The following RICTOR variants were observed in gnomAD, a reference collection of about 807,000 sequenced individuals.
The protein encoded by RICTOR is RPTOR independent companion of MTOR complex 2, also known as rapamycin-insensitive companion of mTOR.
RICTOR carries 49 observed loss-of-function variants against 214.9 expected under a neutral mutation model. The observed-to-expected ratio is 0.23, with a 90% CI of 0.18 to 0.29. The LOEUF is 0.29. Ranked by LOEUF, RICTOR falls within the 10% of genes least tolerant of loss-of-function variation. The pLI is 1.00. For missense variants in RICTOR, 1,625 were observed against 2,047.0 expected, an observed-to-expected ratio of 0.79 and a Z score of 3.98; for synonymous variants, 717 against 711.3, an observed-to-expected ratio of 1.01 and a Z score of -0.13.
At chr5:38,969,829 C>G (rs1181973967) in intron 11 of RICTOR, 1 of 151,806 alleles carries the variant, frequency 6.6e-6, no homozygotes, top group Admixed American at 6.6e-5. Flanking sequence ...CCACCATGCC[C>G]GGCTGTTTTT....
chr5:38,995,660 C>A (rs1259613823), intron 6 of RICTOR, among the ~76,000 whole-genome samples: 1 of 151,408 alleles, frequency 6.6e-6, no homozygotes, highest in Admixed American at 6.6e-5. Flanking sequence ...ATATTTTAGT[C>A]CCTAACATTA....
chr5:38,950,620 A>G lies in RICTOR; in HGVS notation c.3228T>C (p.Ser1076=), dbSNP rs750474947. ...EDTEPTFYDR[S]GPIKDKNSFP... Reference sequence around the variant, plus strand: ...ATGAATTTTTATCCTTTATGGGTCCAGATCGGTCATAAAATGTTGGCTCTG... The same window carrying G: ...ATGAATTTTTATCCTTTATGGGTCCGGATCGGTCATAAAATGTTGGCTCTG... The change falls in exon 31 of 38, where the codon TCT becomes TCC. Residue 1076 remains serine (S), a synonymous_variant. Coordinates refer to ENST00000357387, the MANE Select transcript of RICTOR (RefSeq NM_152756.5). The G allele has an allele frequency of 6.2e-7, 1 of 1,613,184 alleles. No individual in the cohort carries two copies. Among genetic ancestry groups the G allele is most frequent in the East Asian group, 2.2e-5 (1 of 44,852 alleles).
At chr5:38,990,503 C>T (rs1282394238) in intron 7 of RICTOR, among the ~76,000 whole-genome samples, 2 of 149,208 alleles carry the variant, frequency 1.3e-5, no homozygotes, top group East Asian at 2.0e-4. Flanking sequence ...TACATATATA[C>T]GATATATACA....
At chr5:38,963,892 A>G (rs947980816) in intron 16 of RICTOR, among the ~76,000 whole-genome samples, 2 of 151,922 alleles carry the variant, frequency 1.3e-5, no homozygotes, top group African/African-American at 2.4e-5. Context: ...CAGAACTGAG[A>G]TAACTCCTAA....
chr5:39,058,053 G>C (rs1418552034), intron 2 of RICTOR, among the ~76,000 whole-genome samples: 2 of 151,904 alleles, frequency 1.3e-5, no homozygotes, highest in Middle Eastern at 6.8e-3. Flanking sequence ...TTGCCAAGTT[G>C]CTGTCAGGTA....
At chr5:38,946,870 T>C (rs888138564) in intron 32 of RICTOR, among the ~76,000 whole-genome samples, 17 of 152,176 alleles carry the variant, frequency 1.1e-4, no homozygotes, top group African/African-American at 4.1e-4. Flanking sequence ...GGTCACCTTA[T>C]ATTACTGGGT....
chr5:39,032,579 T>A, intron 2 of RICTOR, among the ~76,000 whole-genome samples: 1 of 152,224 alleles, frequency 6.6e-6, no homozygotes, highest in Non-Finnish European at 1.5e-5. Flanking sequence ...CTTCTTGAAT[T>A]TGTAAGAGAA....
intron 2 of RICTOR, among the ~76,000 whole-genome samples, chr5:39,033,941 T>A (rs1183714314): frequency 2.0e-5 from 3 of 152,234 alleles, no homozygotes; most frequent in Non-Finnish European, 4.4e-5. Context: ...CAATTCTGAA[T>A]TATAAACTTA....
chr5:39,069,615 G>T (rs1206964377), intron 2 of RICTOR, among the ~76,000 whole-genome samples: 1 of 152,166 alleles, frequency 6.6e-6, no homozygotes, highest in African/African-American at 2.4e-5. Context: ...TGCATAGAGT[G>T]GGGGGACTAC....
intron 2 of RICTOR, among the ~76,000 whole-genome samples, chr5:39,065,871 T>C (rs551758152): frequency 9.8e-5 from 15 of 152,364 alleles, no homozygotes; most frequent in Non-Finnish European, 1.6e-4. Flanking sequence ...TTGCAGGGTT[T>C]AGCCCCCAGG....
chr5:38,999,043 A>AAAAAAAAAAAAC (rs1561514547), intron 5 of RICTOR, among the ~76,000 whole-genome samples: 2 of 143,032 alleles, frequency 1.4e-5, no homozygotes, highest in South Asian at 2.2e-4. Context: ...AAAAAAAAAA[A>AAAAAAAAAAAAC]AAAAAAAACA....
At chr5:38,953,122 A>T in intron 28 of RICTOR, 31 bp from the exon 29 acceptor site, 9 of 1,391,954 alleles carry the variant, frequency 6.5e-6, no homozygotes, top group Non-Finnish European at 9.1e-6. Flanking sequence ...TACATCAAAT[A>T]TAAGAGTCAC....
intron 2 of RICTOR, among the ~76,000 whole-genome samples, chr5:39,069,204 G>A (rs1759124546): frequency 6.6e-6 from 1 of 152,128 alleles, no homozygotes; most frequent in African/African-American, 2.4e-5. Context: ...TTGCTTACAA[G>A]ACTTTGTTAA....
chr5:39,002,532 T>C lies in RICTOR; in HGVS notation c.392+3A>G, dbSNP rs762554685. 4.4e-6 allele frequency: 7 copies of C among 1,581,772 alleles called. No homozygotes were observed. The highest frequency in any genetic ancestry group is 1.9e-5 in the Admixed American group (1 of 51,390). On this transcript the variant is annotated splice_donor_region_variant and intron_variant, in intron 5 of 37. Coordinates refer to ENST00000357387, the MANE Select transcript of RICTOR (RefSeq NM_152756.5). ...AATATATAAACAAGTCTAGGAAATT[T>C]ACCTAGCTATTAAATAGTCCACTTT...
At position 38,947,361 on chromosome 5, in the gene RICTOR, G is replaced by C. The variant is rs1156337596; in HGVS notation, c.4217C>G (p.Ser1406Cys). The change falls in exon 32 of 38, where the codon TCT becomes TGT. Residue 1406 changes from serine to cysteine, a missense_variant. Physicochemically the swap from Ser to Cys is moderately radical, Grantham distance 112. This residue lies in a region of RICTOR where 1,214 missense variants were observed against 1,470.5 expected (regional missense o/e 0.83). Transcript: ENST00000357387. Reference sequence around the variant, plus strand: ...GGACACCATGGACCGCACTGAGGAAGATCGTTGCAGGGTATTTTGATTAAT... The same window carrying C: ...GGACACCATGGACCGCACTGAGGAACATCGTTGCAGGGTATTTTGATTAAT... ...SPINQNTLQR[S>C]SSVRSMVSSA... 1 of 1,611,592 alleles carries C rather than the reference G, an allele frequency of 6.2e-7. No homozygotes were observed. The highest frequency in any genetic ancestry group is 8.5e-7 in the Non-Finnish European group (1 of 1,177,986).
intron 2 of RICTOR, among the ~76,000 whole-genome samples, chr5:39,066,511 G>A (rs1337535557): frequency 2.0e-5 from 3 of 152,224 alleles, no homozygotes; most frequent in East Asian, 1.9e-4. Flanking sequence ...TCTCTAGCAC[G>A]TGGTTGCTCT....
At chr5:39,018,536 C>T (rs922142142) in intron 3 of RICTOR, among the ~76,000 whole-genome samples, 7 of 152,054 alleles carry the variant, frequency 4.6e-5, no homozygotes, top group African/African-American at 1.7e-4. Context: ...GCAATTCTTA[C>T]AATACTAAAA....
rs1291172502 is a variant in RICTOR, at chr5:38,939,758, T to C, written c.*2546A>G. On this transcript the variant is annotated 3_prime_UTR_variant, in exon 38 of 38. Transcript: ENST00000357387. ...CTAAAATCTTTAAAAACTACAGTAT[T>C]GACATTATTTTGGTATTCTATAGTC... is the stretch of plus-strand genomic sequence containing the variant. 4 of 227,854 alleles carry C rather than the reference T, an allele frequency of 1.8e-5. No homozygotes were observed. Among genetic ancestry groups the C allele is most frequent in the African/African-American group, 8.9e-5 (4 of 45,046 alleles). 14.1% of individuals were successfully genotyped at this position (227,854 alleles called of 1,614,324 possible).
chr5:38,979,359 T>A (rs1273544713), intron 8 of RICTOR, among the ~76,000 whole-genome samples: 1 of 152,180 alleles, frequency 6.6e-6, no homozygotes, highest in Non-Finnish European at 1.5e-5. Flanking sequence ...ACTGTGGACA[T>A]GAATTTTAGT....
Sources: allele counts gnomAD v4.1 joint callset (sites outside exome capture counted in the v4.1 genomes callset), GRCh38; gene constraint gnomAD v4.1.1; regional missense constraint gnomAD v4.1.1; transcripts MANE v1.5; gene names NCBI Gene and HGNC (gene_info 2026-07-23, HGNC 2026-07-21).